The following NUMB variants were observed in gnomAD, a reference collection of about 807,000 sequenced individuals.
NUMB encodes the protein protein numb homolog.
NUMB carries 29 observed loss-of-function variants against 59.7 expected under a neutral mutation model. The observed-to-expected ratio is 0.49, with a 90% CI of 0.36 to 0.66. The LOEUF (loss-of-function observed/expected upper bound fraction) is 0.66, where lower values mean the gene tolerates loss of function less well. Ranked by LOEUF, NUMB falls within the 30% of genes least tolerant of loss-of-function variation. The probability of loss-of-function intolerance (pLI) is 0.00; values close to 1 mark genes in which losing one functional copy is unlikely to be tolerated. For synonymous variants in NUMB, 288 were observed against 288.2 expected, an observed-to-expected ratio of 1.00 and a Z score of 0.01; for missense variants, 723 against 822.0, an observed-to-expected ratio of 0.88 and a Z score of 1.47.
chr14:73,304,630 T>C (rs982908541), intron 6 of NUMB, among the ~76,000 whole-genome samples: 5 of 151,862 alleles, frequency 3.3e-5, no homozygotes, highest in African/African-American at 1.2e-4. Flanking sequence ...TAAAAATAAA[T>C]TGAAAAAGGA....
At chr14:73,307,378 T>G (rs1288914846) in intron 6 of NUMB, among the ~76,000 whole-genome samples, 1 of 151,756 alleles carries the variant, frequency 6.6e-6, no homozygotes, top group Non-Finnish European at 1.5e-5. Context: ...GTGTTTGGAT[T>G]TTTTAAGAAG....
At chr14:73,411,946 AC>A in intron 1 of NUMB, among the ~76,000 whole-genome samples, 1 of 127,368 alleles carries the variant, frequency 7.9e-6, no homozygotes, top group South Asian at 2.4e-4. Context: ...TTTTTTTGAG[AC>A]AGGGTCTTGA....
intron 1 of NUMB, among the ~76,000 whole-genome samples, chr14:73,418,663 C>T (rs1897229583): frequency 6.6e-6 from 1 of 151,964 alleles, no homozygotes; most frequent in Non-Finnish European, 1.5e-5. Flanking sequence ...CCCAGCTACT[C>T]AGGAGGCTGA....
rs1888817300 is a variant in NUMB, at chr14:73,284,070, T to C, written c.949+11A>G. The C allele has an allele frequency of 6.2e-7, 1 of 1,611,920 alleles. No individual in the cohort carries two copies. The highest frequency in any genetic ancestry group is 1.1e-5 in the South Asian group (1 of 91,014). On this transcript the variant is annotated intron_variant, in intron 10 of 12. Coordinates refer to ENST00000555238, the MANE Select transcript of NUMB (RefSeq NM_001005743.2). Reference sequence around the variant, plus strand: ...TCGAGTACCCAGTGAGTCAGGTAGATGCTACATTACCTGCATTTTTAATGG... The same window carrying C: ...TCGAGTACCCAGTGAGTCAGGTAGACGCTACATTACCTGCATTTTTAATGG...
intron 2 of NUMB, among the ~76,000 whole-genome samples, chr14:73,385,699 G>A (rs1169371345): frequency 2.0e-5 from 3 of 151,644 alleles, no homozygotes; most frequent in African/African-American, 4.8e-5. Flanking sequence ...ACTGGGTTTC[G>A]TCATGTTGGC....
At chr14:73,417,966 A>G (rs1452329489) in intron 1 of NUMB, among the ~76,000 whole-genome samples, 2 of 152,100 alleles carry the variant, frequency 1.3e-5, no homozygotes, top group Admixed American at 1.3e-4. Flanking sequence ...TTAGCCGGGC[A>G]TGGTGGCATG....
chr14:73,316,449 T>C (rs1055603876), intron 5 of NUMB, 27 bp from the exon 6 acceptor site: 7 of 1,610,644 alleles, frequency 4.3e-6, no homozygotes, highest in Non-Finnish European at 5.9e-6. Flanking sequence ...ACAAGTCGAG[T>C]GCTATTATTG....
chr14:73,303,797 TC>T (rs1890275605), intron 6 of NUMB, among the ~76,000 whole-genome samples: 1 of 147,592 alleles, frequency 6.8e-6, no homozygotes, highest in South Asian at 2.2e-4. Flanking sequence ...CCTTTTTTTT[TC>T]AAAGAAAACC....
intron 10 of NUMB, 61 bp downstream of exon 10, chr14:73,284,020 G>A: frequency 6.9e-7 from 1 of 1,452,348 alleles, no homozygotes; most frequent in Non-Finnish European, 9.6e-7. Context: ...TGTCTTCATG[G>A]GAAGTGATGA....
At position 73,292,081 on chromosome 14, in the gene NUMB, C is replaced by T. The variant is rs139565885; in HGVS notation, c.450+653G>A. ...GGAGACAAGGTCTCACTCTGTCACC[C>T]AGGCTGGAGTGTAATGGCACGATGA... On this transcript the variant is annotated intron_variant, in intron 8 of 12. Transcript: ENST00000555238. Among the ~76,000 whole-genome samples, 1,195 of 152,206 alleles carry T rather than the reference C, an allele frequency of 7.9e-3. 16 individuals carry two copies. The highest frequency in any genetic ancestry group is 0.027 in the African/African-American group (1,122 of 41,512).
At chr14:73,279,521 G>T in intron 11 of NUMB, 97 bp from the exon 12 acceptor site, 2 of 1,176,320 alleles carry the variant, frequency 1.7e-6, no homozygotes, top group Non-Finnish European at 2.4e-6. Flanking sequence ...TACAATACTG[G>T]TGGAATGGAT....
At chr14:73,293,250 T>C (rs1327807905) in intron 7 of NUMB, among the ~76,000 whole-genome samples, 2 of 152,226 alleles carry the variant, frequency 1.3e-5, no homozygotes, top group African/African-American at 4.8e-5. Flanking sequence ...GTCATGTTTA[T>C]GCTAACTTCG....
At chr14:73,375,858 T>A (rs1051060243) in intron 2 of NUMB, among the ~76,000 whole-genome samples, 1 of 152,152 alleles carries the variant, frequency 6.6e-6, no homozygotes, top group Non-Finnish European at 1.5e-5. Context: ...AAATCCAGCA[T>A]CCATTCATGA....
intron 1 of NUMB, among the ~76,000 whole-genome samples, chr14:73,438,625 T>C (rs1330797158): frequency 2.4e-5 from 3 of 124,646 alleles, no homozygotes; most frequent in Non-Finnish European, 3.3e-5. Context: ...AGCAAGACTC[T>C]GCCTCAAAAA....
intron 2 of NUMB, among the ~76,000 whole-genome samples, chr14:73,390,464 C>T (rs1457971355): frequency 6.6e-6 from 1 of 151,860 alleles, no homozygotes; most frequent in Non-Finnish European, 1.5e-5. Context: ...TTCATGTTAT[C>T]TGTTCAAACA....
At chr14:73,372,216 G>C (rs186649902) in intron 2 of NUMB, among the ~76,000 whole-genome samples, 1 of 149,500 alleles carries the variant, frequency 6.7e-6, no homozygotes, top group Non-Finnish European at 1.5e-5. Context: ...CTGGGTGACA[G>C]AGCAATACTC....
rs199744193 is a variant in NUMB, at chr14:73,301,005, C to G, written c.235-3720G>C. 6.8e-3 allele frequency among the ~76,000 whole-genome samples: 1,036 copies of G among 152,290 alleles called. 4 individuals are homozygous for G. The highest frequency in any genetic ancestry group is 0.03 in the South Asian group (144 of 4,832). ...AGCAACAGTAACTGCTCATATTTAA[C>G]CAACCCTCATGTAACATTTAGTATT... On this transcript the variant is annotated intron_variant, in intron 6 of 12. Coordinates refer to ENST00000555238, the MANE Select transcript of NUMB (RefSeq NM_001005743.2).
intron 2 of NUMB, among the ~76,000 whole-genome samples, chr14:73,399,079 G>A (rs1420668859): frequency 6.6e-6 from 1 of 152,066 alleles, no homozygotes; most frequent in Non-Finnish European, 1.5e-5. Context: ...TACAAATACA[G>A]TATGCGCTTC....
intron 10 of NUMB, 103 bp from the exon 11 acceptor site, chr14:73,282,608 G>C (rs763023544): frequency 8.2e-7 from 1 of 1,225,470 alleles, no homozygotes. Context: ...TCCTGCTTAT[G>C]TAAGAAAAGG....
Sources: allele counts gnomAD v4.1 joint callset (sites outside exome capture counted in the v4.1 genomes callset), GRCh38; gene constraint gnomAD v4.1.1; transcripts MANE v1.5; gene names NCBI Gene and HGNC (gene_info 2026-07-23, HGNC 2026-07-21).